Variants in GLIS3 observed in about 807,000 individuals in gnomAD.
GLIS3 encodes GLIS family zinc finger 3, also known as zinc finger protein GLIS3.
GLIS3 carries 53 observed loss-of-function variants against 78.6 expected under a neutral mutation model. The ratio of observed to expected loss-of-function variants is 0.67; its 90% confidence interval spans 0.54 to 0.85. GLIS3 has a LOEUF of 0.85. GLIS3 is among the 40% of genes least tolerant of loss of function. The probability of loss-of-function intolerance (pLI) is 0.00; values close to 1 mark genes in which losing one functional copy is unlikely to be tolerated. For missense variants in GLIS3, 1,703 were observed against 1,231.1 expected (o/e 1.38, Z -5.74); for synonymous variants, 684 against 509.9 (o/e 1.34, Z -4.60).
chr9:4,045,806 T>C (rs1825201271), intron 4 of GLIS3, among the ~76,000 whole-genome samples: 1 of 152,156 alleles, frequency 6.6e-6, no homozygotes, highest in Non-Finnish European at 1.5e-5. Context: ...TCACTAATGT[T>C]CCGCCCCGTC....
chr9:4,155,703 C>T (rs192166527), intron 2 of GLIS3, among the ~76,000 whole-genome samples: 79 of 152,248 alleles, frequency 5.2e-4, no homozygotes, highest in African/African-American at 1.8e-3. Context: ...CTCCCCAGGC[C>T]CACAGTTCTC....
intron 8 of GLIS3, among the ~76,000 whole-genome samples, chr9:3,867,840 G>T (rs1384295939): frequency 6.6e-6 from 1 of 152,076 alleles, no homozygotes; most frequent in Non-Finnish European, 1.5e-5. Context: ...TTGAATATCT[G>T]TGGAAGTTAA....
chr9:3,988,395 TATA>T (rs1173420678), intron 4 of GLIS3, among the ~76,000 whole-genome samples: 5 of 152,110 alleles, frequency 3.3e-5, no homozygotes, highest in African/African-American at 1.2e-4. Flanking sequence ...AAATAAAAGT[TATA>T]ATACCACTTG....
chr9:4,365,027 GAA>G, the GLIS3 span, among the ~76,000 whole-genome samples: 1 of 151,930 alleles, frequency 6.6e-6, no homozygotes, highest in African/African-American at 2.4e-5. Flanking sequence ...TTTAACTTAT[GAA>G]AAAAGTCCAT....
intron 2 of GLIS3, among the ~76,000 whole-genome samples, chr9:4,192,595 A>G (rs929714353): frequency 6.6e-6 from 1 of 152,216 alleles, no homozygotes; most frequent in African/African-American, 2.4e-5. Flanking sequence ...TCATTTAACT[A>G]TTCCATTCCA....
chr9:3,840,803 G>A (rs915849865), intron 9 of GLIS3, among the ~76,000 whole-genome samples: 1 of 152,178 alleles, frequency 6.6e-6, no homozygotes, highest in Admixed American at 6.5e-5. Flanking sequence ...CTGCCAACTT[G>A]CAGGCCACAG....
At chr9:4,262,337 C>T (rs1340719709) in intron 2 of GLIS3, among the ~76,000 whole-genome samples, 2 of 152,120 alleles carry the variant, frequency 1.3e-5, no homozygotes, top group Non-Finnish European at 2.9e-5. Context: ...CAGTGGCTCA[C>T]AGAAACACTT....
intron 2 of GLIS3, among the ~76,000 whole-genome samples, chr9:4,329,890 G>C (rs899715813): frequency 2.0e-5 from 3 of 152,136 alleles, no homozygotes; most frequent in African/African-American, 7.2e-5. Context: ...AAAGCATCTA[G>C]TCTAGATGGG....
At chr9:4,470,270 C>T in the GLIS3 span, among the ~76,000 whole-genome samples, 2 of 152,150 alleles carry the variant, frequency 1.3e-5, no homozygotes, top group African/African-American at 4.8e-5. Flanking sequence ...CAGCATCATC[C>T]TGATTGCAAA....
intron 6 of GLIS3, among the ~76,000 whole-genome samples, chr9:3,928,647 G>C (rs1044542117): frequency 6.6e-6 from 1 of 152,144 alleles, no homozygotes; most frequent in Non-Finnish European, 1.5e-5. Flanking sequence ...CCCTAATTTT[G>C]CCAGAAAGCA....
chr9:3,912,242 C>G (rs1205441032), intron 6 of GLIS3, among the ~76,000 whole-genome samples: 1 of 152,088 alleles, frequency 6.6e-6, no homozygotes, highest in Non-Finnish European at 1.5e-5. Flanking sequence ...AGAGTGAGAC[C>G]TTTCTTAGTA....
Position 3,985,611 on chromosome 9 carries a change from T to C in GLIS3, c.1711-48422A>G, listed in dbSNP as rs182996094. On this transcript the variant is annotated intron_variant, in intron 4 of 10. Transcript: ENST00000381971. Reference sequence around the variant, plus strand: ...TCTTCTACCACAGATTGTGTAGATATACAACAGCTACTATTAGATTCACTA... The same window carrying C: ...TCTTCTACCACAGATTGTGTAGATACACAACAGCTACTATTAGATTCACTA... Among the ~76,000 whole-genome samples, 189 of 152,348 alleles carry C rather than the reference T, an allele frequency of 1.2e-3. 1 individual carries two copies. Among genetic ancestry groups the C allele is most frequent in the African/African-American group, 4.1e-3 (170 of 41,588 alleles).
intron 2 of GLIS3, among the ~76,000 whole-genome samples, chr9:4,202,220 G>A (rs1260346195): frequency 7.4e-6 from 1 of 135,610 alleles, no homozygotes; most frequent in Non-Finnish European, 1.5e-5. Flanking sequence ...GCACAATCTC[G>A]GCTCACTGCA....
At chr9:4,407,918 G>GA in the GLIS3 span, among the ~76,000 whole-genome samples, 18 of 150,244 alleles carry the variant, frequency 1.2e-4, no homozygotes, top group East Asian at 5.8e-4. Flanking sequence ...ACTCTAAGAG[G>GA]AAAAAAAAAT....
chr9:4,315,704 T>C (rs1817425819), intron 2 of GLIS3, among the ~76,000 whole-genome samples: 1 of 152,104 alleles, frequency 6.6e-6, no homozygotes, highest in Non-Finnish European at 1.5e-5. Context: ...CCCTGGGTCT[T>C]TTGGGGCCAG....
intron 2 of GLIS3, among the ~76,000 whole-genome samples, chr9:4,331,431 T>C (rs369923845): frequency 6.6e-5 from 10 of 152,232 alleles, no homozygotes; most frequent in African/African-American, 2.2e-4. Context: ...TGGGTACACA[T>C]GAATTTCGGG....
chr9:4,186,372 C>T (rs1817796879), intron 2 of GLIS3, among the ~76,000 whole-genome samples: 1 of 151,854 alleles, frequency 6.6e-6, no homozygotes, highest in Non-Finnish European at 1.5e-5. Context: ...TGTATATGTG[C>T]CACATTTTCT....
intron 1 of GLIS3, among the ~76,000 whole-genome samples, chr9:4,287,717 C>T (rs879430475): frequency 9.9e-5 from 15 of 152,112 alleles, no homozygotes; most frequent in African/African-American, 2.4e-5. Context: ...AACTCAACTT[C>T]CAAATAAAGG....
At chr9:4,180,730 T>G (rs1173094759) in intron 2 of GLIS3, among the ~76,000 whole-genome samples, 1 of 152,178 alleles carries the variant, frequency 6.6e-6, no homozygotes, top group Non-Finnish European at 1.5e-5. Context: ...ATTTTACATA[T>G]GTAAGAGTTA....
Sources: gnomAD v4.1 joint callset for allele counts (sites outside exome capture counted in the v4.1 genomes callset) on GRCh38, gnomAD v4.1.1 for gene constraint, MANE v1.5 for transcripts, NCBI Gene and HGNC (gene_info 2026-07-23, HGNC 2026-07-21) for gene names.